MEF2C: variants seen among roughly 807,000 people sequenced by gnomAD.
MEF2C encodes the protein myocyte-specific enhancer factor 2C.
A neutral mutation model predicts 50.5 loss-of-function variants in MEF2C; 6 were observed. That is an observed-to-expected ratio of 0.12 (90% CI 0.07 to 0.23). The LOEUF (loss-of-function observed/expected upper bound fraction) is 0.23, where lower values mean the gene tolerates loss of function less well. Among genes scored for constraint, MEF2C ranks in the 10% least tolerant of loss-of-function variants. The pLI is 1.00. For missense variants in MEF2C, 276 were observed against 605.0 expected (o/e 0.46, Z 5.70); for synonymous variants, 183 against 228.0 (o/e 0.80, Z 1.78).
At chr5:88,797,836 C>T (rs1796660797) in intron 3 of MEF2C, among the ~76,000 whole-genome samples, 1 of 152,132 alleles carries the variant, frequency 6.6e-6, no homozygotes, top group South Asian at 2.1e-4. Flanking sequence ...GTAAGGCAGG[C>T]CTAGTGGTGA....
chr5:88,815,597 A>G (rs1476286138), intron 2 of MEF2C, among the ~76,000 whole-genome samples: 1 of 152,082 alleles, frequency 6.6e-6, no homozygotes, highest in African/African-American at 2.4e-5. Context: ...TTCCTTAATG[A>G]TGTCATTTAC....
chr5:88,824,388 T>C (rs1809921085), intron 1 of MEF2C: 2 of 979,156 alleles, frequency 2.0e-6, no homozygotes, highest in Admixed American at 6.2e-5. Context: ...GGTGATAACG[T>C]CCCTCGTTAT....
intron 3 of MEF2C, among the ~76,000 whole-genome samples, chr5:88,794,706 AG>A (rs1275081978): frequency 6.6e-5 from 10 of 152,074 alleles, no homozygotes; most frequent in African/African-American, 2.4e-4. Context: ...TTAGTCATGA[AG>A]TCTTTGCCCA....
chr5:88,853,759 A>T (rs892493922), intron 1 of MEF2C, among the ~76,000 whole-genome samples: 1 of 152,238 alleles, frequency 6.6e-6, no homozygotes. Context: ...GAATCTTCAG[A>T]TATTTACAGG....
intron 1 of MEF2C, among the ~76,000 whole-genome samples, chr5:88,891,090 G>T (rs539316049): frequency 1.3e-5 from 2 of 152,274 alleles, no homozygotes; most frequent in South Asian, 4.1e-4. Flanking sequence ...GGAGCATGGG[G>T]AATAATACTA....
intron 1 of MEF2C, among the ~76,000 whole-genome samples, chr5:88,863,279 AAC>A (rs1185754836): frequency 6.6e-6 from 1 of 152,224 alleles, no homozygotes; most frequent in African/African-American, 2.4e-5. Context: ...ATTCCTCAAC[AAC>A]AGAGTTTCCA....
intron 1 of MEF2C, among the ~76,000 whole-genome samples, chr5:88,841,095 A>G (rs569214726): frequency 6.6e-6 from 1 of 152,338 alleles, no homozygotes; most frequent in South Asian, 2.1e-4. Flanking sequence ...TCCCAGCGTC[A>G]TCCTTCATTT....
chr5:88,751,478 G>T, intron 5 of MEF2C: 1 of 985,376 alleles, frequency 1.0e-6, no homozygotes, highest in Non-Finnish European at 1.2e-6. Context: ...CAGAACACAG[G>T]GGAAGGTTTC....
intron 1 of MEF2C, among the ~76,000 whole-genome samples, chr5:88,873,734 T>A (rs1830250473): frequency 8.6e-6 from 1 of 116,574 alleles, no homozygotes. Context: ...TTTTTTTTTT[T>A]TTTTGGTTTA....
Position 88,774,752 on chromosome 5 carries a change from G to A in MEF2C, c.259-13424C>T, listed in dbSNP as rs556650412. Among the ~76,000 whole-genome samples the A allele has an allele frequency of 2.0e-5, 3 of 152,350 alleles. No individual in the cohort carries two copies. The South Asian group carries it at 6.2e-4, about 32-fold the overall frequency. On this transcript the variant is annotated intron_variant, in intron 3 of 10. Transcript: ENST00000504921. Reference sequence around the variant, plus strand: ...GTTCAGTTGACTTGGGTAGGTGTCTGATGAAAGAAAGTTTGATAGGACTGT... The same window carrying A: ...GTTCAGTTGACTTGGGTAGGTGTCTAATGAAAGAAAGTTTGATAGGACTGT...
At chr5:88,885,470 T>C (rs1393459179), upstream of MEF2C, among the ~76,000 whole-genome samples, 2 of 152,180 alleles carry the variant, frequency 1.3e-5, no homozygotes, top group African/African-American at 4.8e-5. Context: ...TCTGAAATAG[T>C]AGTATTTCTT....
intron 10 of MEF2C, among the ~76,000 whole-genome samples, chr5:88,723,740 C>T (rs887696314): frequency 6.6e-6 from 1 of 152,238 alleles, no homozygotes; most frequent in Non-Finnish European, 1.5e-5. Context: ...TAGGCTACCA[C>T]TCCTCTTATT....
intron 1 of MEF2C, chr5:88,824,364 G>A (rs1280893357): frequency 8.1e-6 from 8 of 984,924 alleles, no homozygotes; most frequent in Non-Finnish European, 9.6e-6. Flanking sequence ...ACAATCTCCT[G>A]TTTTGACAGC....
At chr5:88,802,268 C>A (rs1798687499) in intron 3 of MEF2C, among the ~76,000 whole-genome samples, 1 of 152,232 alleles carries the variant, frequency 6.6e-6, no homozygotes, top group Non-Finnish European at 1.5e-5. Flanking sequence ...GAGAAAACGT[C>A]AGCCCAGAGA....
intron 1 of MEF2C, among the ~76,000 whole-genome samples, chr5:88,873,483 G>A (rs1355174147): frequency 6.6e-6 from 1 of 151,894 alleles, no homozygotes; most frequent in Non-Finnish European, 1.5e-5. Flanking sequence ...CAATGAAAAC[G>A]GAAGGAAAAA....
intron 1 of MEF2C, among the ~76,000 whole-genome samples, chr5:88,899,378 T>G (rs1835417690): frequency 6.6e-6 from 1 of 152,176 alleles, no homozygotes; most frequent in Non-Finnish European, 1.5e-5. Flanking sequence ...AGATTCCTTT[T>G]GAGACTTCCT....
chr5:88,733,719 A>G, intron 6 of MEF2C: 3 of 985,320 alleles, frequency 3.0e-6, no homozygotes, highest in Non-Finnish European at 3.6e-6. Context: ...ATATATAACA[A>G]ATAACTACAA....
chr5:88,743,438 C>T (rs1767815912), intron 6 of MEF2C: 1 of 985,288 alleles, frequency 1.0e-6, no homozygotes, highest in Non-Finnish European at 1.2e-6. Flanking sequence ...GGTGCTGGTA[C>T]AGAAAAATTA....
intron 1 of MEF2C, among the ~76,000 whole-genome samples, chr5:88,851,233 C>CA (rs35458971): frequency 0.15 from 16,145 of 106,754 alleles, 1,629 homozygotes; most frequent in Middle Eastern, 0.27. Context: ...CTCCATCTCA[C>CA]AAAAAAAAAA....
Sources: allele counts gnomAD v4.1 joint callset (sites outside exome capture counted in the v4.1 genomes callset), GRCh38; gene constraint gnomAD v4.1.1; transcripts MANE v1.5; gene names NCBI Gene and HGNC (gene_info 2026-07-23, HGNC 2026-07-21).